Variants in HDX observed in about 807,000 individuals in gnomAD.
HDX encodes the protein chromosome X open reading frame 43.
HDX carries 19 observed loss-of-function variants against 45.2 expected under a neutral mutation model. The observed-to-expected ratio is 0.42, with a 90% confidence interval of 0.29 to 0.62. The LOEUF is 0.62. Ranked by LOEUF, HDX falls within the 20% of genes least tolerant of loss-of-function variation. The pLI is 0.20. For missense variants in HDX, 532 were observed against 493.9 expected (o/e 1.08, Z -0.73); for synonymous variants, 188 against 172.8 (o/e 1.09, Z -0.69).
intron 5 of HDX, among the ~76,000 whole-genome samples, chrX:84,385,196 C>CTTTTTTTTTT (rs146043472): frequency 3.4e-5 from 1 of 29,528 alleles, no homozygotes; most frequent in African/African-American, 1.6e-4. Context: ...TCTCTGATTT[C>CTTTTTTTTTT]TTTTTTTTTT....
chrX:84,324,638 A>G (rs2036670948), intron 10 of HDX, among the ~76,000 whole-genome samples: 2 of 111,570 alleles, frequency 1.8e-5, no homozygotes, highest in South Asian at 7.4e-4. Flanking sequence ...AAAAATGCAC[A>G]TTAATTACAT....
At chrX:84,438,328 C>A (rs1003341934) in intron 5 of HDX, among the ~76,000 whole-genome samples, 8 of 111,308 alleles carry the variant, frequency 7.2e-5, no homozygotes, top group African/African-American at 2.6e-4. Flanking sequence ...ATACTGAAGT[C>A]CTAGCTTCAT....
chrX:84,393,080 T>C (rs770616827), intron 5 of HDX, among the ~76,000 whole-genome samples: 1 of 111,256 alleles, frequency 9.0e-6, no homozygotes, highest in Non-Finnish European at 1.9e-5. Flanking sequence ...GCTTAGCAAA[T>C]GTGGCATCCT....
intron 5 of HDX, among the ~76,000 whole-genome samples, chrX:84,432,649 G>A (rs768002919): frequency 9.0e-6 from 1 of 110,765 alleles, no homozygotes; most frequent in African/African-American, 3.3e-5. Flanking sequence ...GTATAGAAAT[G>A]TTATTGATTT....
At chrX:84,406,518 A>C (rs1302844636) in intron 5 of HDX, among the ~76,000 whole-genome samples, 2 of 44,346 alleles carry the variant, frequency 4.5e-5, no homozygotes, top group East Asian at 1.1e-3. Flanking sequence ...ACACACACAC[A>C]TACACACACA....
chrX:84,437,504 A>G (rs2039664660), intron 5 of HDX, among the ~76,000 whole-genome samples: 2 of 111,198 alleles, frequency 1.8e-5, no homozygotes, highest in Admixed American at 1.9e-4. Flanking sequence ...TTTATTGGCT[A>G]TGGTTCCAAT....
At chrX:84,417,500 G>A (rs1037511150) in intron 5 of HDX, among the ~76,000 whole-genome samples, 1 of 112,306 alleles carries the variant, frequency 8.9e-6, no homozygotes, top group Non-Finnish European at 1.9e-5. Context: ...GAGAGGGAAA[G>A]AGAATGGGCA....
chrX:84,362,943 A>G (rs1414905727), intron 5 of HDX, among the ~76,000 whole-genome samples: 2 of 111,703 alleles, frequency 1.8e-5, no homozygotes, highest in Non-Finnish European at 3.8e-5. Flanking sequence ...AGCCACCGAA[A>G]GGAAAATAAA....
chrX:84,413,874 C>G (rs2039043162), intron 5 of HDX, among the ~76,000 whole-genome samples: 1 of 111,178 alleles, frequency 9.0e-6, no homozygotes. Flanking sequence ...GAGTAGATCA[C>G]TAAGTATTAT....
At chrX:84,490,603 G>A (rs1024943130) in intron 1 of HDX, among the ~76,000 whole-genome samples, 4 of 110,358 alleles carry the variant, frequency 3.6e-5, no homozygotes, top group Admixed American at 1.9e-4. Context: ...ACTTTTCTTC[G>A]GTGTGATGAT....
At chrX:84,387,388 T>C (rs2038343423) in intron 5 of HDX, among the ~76,000 whole-genome samples, 1 of 111,764 alleles carries the variant, frequency 8.9e-6, no homozygotes, top group African/African-American at 3.3e-5. Flanking sequence ...GTTAGTTTTC[T>C]GCCTCAATGA....
At chrX:84,376,573 C>T (rs2038062369) in intron 5 of HDX, among the ~76,000 whole-genome samples, 1 of 111,418 alleles carries the variant, frequency 9.0e-6, no homozygotes, top group Non-Finnish European at 1.9e-5. Flanking sequence ...CGCTTGGGTC[C>T]TAAGGGAATG....
chrX:84,356,618 T>TTTTC (rs2037490617), intron 6 of HDX, among the ~76,000 whole-genome samples: 3 of 71,936 alleles, frequency 4.2e-5, no homozygotes, highest in African/African-American at 1.5e-4. Context: ...GGATATCTTT[T>TTTTC]TTTTTTTTTT....
At chrX:84,440,092 C>T (rs2039728531) in intron 5 of HDX, 1 of 111,473 alleles carries the variant, frequency 9.0e-6, no homozygotes, top group Non-Finnish European at 1.9e-5. Context: ...ACAGTTGTAT[C>T]AGAAATCTAG....
intron 5 of HDX, among the ~76,000 whole-genome samples, chrX:84,438,306 C>A (rs1238824338): frequency 9.0e-6 from 1 of 111,512 alleles, no homozygotes; most frequent in African/African-American, 3.3e-5. Context: ...AGGAATTAGA[C>A]AATCTTGGCC....
intron 5 of HDX, among the ~76,000 whole-genome samples, chrX:84,427,090 A>C (rs1354035313): frequency 9.0e-6 from 1 of 110,820 alleles, no homozygotes; most frequent in African/African-American, 3.3e-5. Flanking sequence ...GAATTTATAA[A>C]AAATATTAAC....
intron 4 of HDX, among the ~76,000 whole-genome samples, chrX:84,463,874 C>T (rs1163429397): frequency 1.8e-5 from 2 of 111,073 alleles, no homozygotes; most frequent in African/African-American, 6.5e-5. Context: ...CTTAATACCA[C>T]TTCAACCCTT....
intron 5 of HDX, among the ~76,000 whole-genome samples, chrX:84,437,862 T>C (rs902217064): frequency 9.0e-6 from 1 of 111,541 alleles, no homozygotes; most frequent in East Asian, 2.9e-4. Context: ...AGCTACTCTT[T>C]GTGTCAGTAT....
chrX:84,405,846 A>G (rs1006825782), intron 5 of HDX, among the ~76,000 whole-genome samples: 2 of 110,594 alleles, frequency 1.8e-5, no homozygotes. Flanking sequence ...ACAGCAATAT[A>G]TAACATTAAT....
Sources: allele counts gnomAD v4.1 joint callset (sites outside exome capture counted in the v4.1 genomes callset), GRCh38; gene constraint gnomAD v4.1.1; transcripts MANE v1.5; gene names NCBI Gene and HGNC (gene_info 2026-07-23, HGNC 2026-07-21).